Variants in PTK2B observed in about 807,000 individuals in gnomAD.
PTK2B encodes the protein protein tyrosine kinase 2 beta, also known as protein-tyrosine kinase 2-beta.
A neutral mutation model predicts 142.9 loss-of-function variants in PTK2B; 71 were observed. That is an observed-to-expected ratio of 0.50 (90% CI 0.41 to 0.61). The LOEUF is 0.61. Ranked by LOEUF, PTK2B falls within the 20% of genes least tolerant of loss-of-function variation. PTK2B has a pLI of 0.00. For synonymous variants in PTK2B, 519 were observed against 503.4 expected (o/e 1.03, Z -0.42); for missense variants, 1,105 against 1,320.4 (o/e 0.84, Z 2.53).
At chr8:27,342,115 A>G (rs1804438318) in intron 1 of PTK2B, among the ~76,000 whole-genome samples, 2 of 152,086 alleles carry the variant, frequency 1.3e-5, no homozygotes, top group African/African-American at 2.4e-5. Flanking sequence ...GAACCACTGC[A>G]GTGGAGGTCC....
chr8:27,429,670 C>T (rs562518762), intron 5 of PTK2B, among the ~76,000 whole-genome samples: 64 of 152,158 alleles, frequency 4.2e-4, no homozygotes, highest in Non-Finnish European at 5.7e-4. Flanking sequence ...AACACACAAA[C>T]ATACACACAT....
chr8:27,312,575 T>C (rs1803001424), intron 2 of PTK2B, among the ~76,000 whole-genome samples: 1 of 152,172 alleles, frequency 6.6e-6, no homozygotes, highest in Non-Finnish European at 1.5e-5. Flanking sequence ...TCATGAAATT[T>C]TGGCATGCAA....
chr8:27,420,533 G>A (rs1055922978), intron 3 of PTK2B, 124 bp from the exon 4 acceptor site: 15 of 897,218 alleles, frequency 1.7e-5, no homozygotes, highest in Middle Eastern at 3.1e-4. Context: ...GAGTGGCCAC[G>A]AGACTCATGG....
chr8:27,311,463 C>T (rs940670087), upstream of PTK2B: 22 of 593,916 alleles, frequency 3.7e-5, no homozygotes, highest in Middle Eastern at 1.4e-3. Context: ...CTTGGGAGAG[C>T]GGGGTGGGCC....
At chr8:27,430,280 C>T in intron 6 of PTK2B, 84 bp from the exon 7 acceptor site, 1 of 1,596,652 alleles carries the variant, frequency 6.3e-7, no homozygotes, top group Non-Finnish European at 8.6e-7. Flanking sequence ...GTCCCAAAGC[C>T]CTCTCACCTC....
intron 3 of PTK2B, among the ~76,000 whole-genome samples, chr8:27,317,396 C>G (rs1281776193): frequency 2.0e-5 from 3 of 152,176 alleles, no homozygotes; most frequent in Non-Finnish European, 4.4e-5. Context: ...TAGGCAGTGA[C>G]CTAGGCAATA....
chr8:27,344,277 A>G (rs1804585705), intron 1 of PTK2B, among the ~76,000 whole-genome samples: 1 of 152,166 alleles, frequency 6.6e-6, no homozygotes, highest in Admixed American at 6.5e-5. Flanking sequence ...AGAAGGACGA[A>G]TATCTGGTTT....
intron 30 of PTK2B, among the ~76,000 whole-genome samples, chr8:27,457,975 CAAAAAAAAA>C (rs11317355): frequency 9.6e-5 from 9 of 94,036 alleles, no homozygotes; most frequent in Admixed American, 1.1e-4. Flanking sequence ...AACTCAGTCT[CAAAAAAAAA>C]AAAAAAAAAA....
chr8:27,434,494 G>A lies in PTK2B; in HGVS notation c.1146-19G>A. 1 of 1,606,980 alleles carries A rather than the reference G, an allele frequency of 6.2e-7. No homozygotes were observed. Among genetic ancestry groups the A allele is most frequent in the Non-Finnish European group, 8.5e-7 (1 of 1,176,696 alleles). On this transcript the variant is annotated intron_variant, in intron 12 of 30. Transcript: ENST00000346049. ...CGGCCTCTGAGCTCACCTGGCTTCTGCTCTCTCACCTCCTACAGAAACCTG... is the reference window on the plus strand; with the variant it reads ...CGGCCTCTGAGCTCACCTGGCTTCTACTCTCTCACCTCCTACAGAAACCTG...
intron 1 of PTK2B, among the ~76,000 whole-genome samples, chr8:27,350,990 A>AATATATATAT (rs1161548916): frequency 6.6e-4 from 8 of 12,056 alleles, no homozygotes; most frequent in Non-Finnish European, 9.5e-4. Context: ...AAAAAAAAAA[A>AATATATATAT]ATATATATAT....
chr8:27,434,775 A>G lies in PTK2B; in HGVS notation c.1192+216A>G, dbSNP rs1896960. On this transcript the variant is annotated intron_variant, in intron 13 of 30. Coordinates refer to ENST00000346049, the MANE Select transcript of PTK2B (RefSeq NM_173176.3). ...CCAGCACTTTGGGAGGCCAAAGTGG[A>G]TGGATCATGAGGTCAAGAAATCAAG... Among the ~76,000 whole-genome samples, 69,663 of 151,920 alleles carry G rather than the reference A, an allele frequency of 0.46. 16,248 individuals are homozygous for G. Among genetic ancestry groups the G allele is most frequent in the South Asian group, 0.54 (2,583 of 4,806 alleles).
At position 27,437,804 on chromosome 8, in the gene PTK2B, G is replaced by A. The variant is rs1810883835; in HGVS notation, c.1567G>A (p.Val523Met). The A allele has an allele frequency of 6.2e-7, 1 of 1,613,478 alleles. No homozygotes were observed. Among genetic ancestry groups the A allele is most frequent in the Non-Finnish European group, 8.5e-7 (1 of 1,179,822 alleles). ...GGAGCGGAACAAGAACTCCCTGAAGGTGCTCACCCTCGTGCTGTACTCACT... is the reference window on the plus strand; with the variant it reads ...GGAGCGGAACAAGAACTCCCTGAAGATGCTCACCCTCGTGCTGTACTCACT... ...YLERNKNSLK[V>M]LTLVLYSLQI... The change falls in exon 18 of 31, where the codon GTG (valine) becomes ATG (methionine). Residue 523 changes from valine to methionine, a missense_variant. Val to Met is a conservative substitution (Grantham distance 21, BLOSUM62 1). Coordinates refer to ENST00000346049, the MANE Select transcript of PTK2B (RefSeq NM_173176.3).
chr8:27,441,801 G>C (rs1811172791), intron 21 of PTK2B, among the ~76,000 whole-genome samples: 1 of 152,216 alleles, frequency 6.6e-6, no homozygotes, highest in Admixed American at 6.5e-5. Flanking sequence ...TAAAAGCCCT[G>C]GGGGGATGGA....
chr8:27,442,440 G>T (rs1448321573), intron 21 of PTK2B, among the ~76,000 whole-genome samples: 1 of 152,148 alleles, frequency 6.6e-6, no homozygotes, highest in Admixed American at 6.5e-5. Flanking sequence ...CACATACCGG[G>T]GATGCGTTGG....
At chr8:27,340,399 G>C (rs937807461) in intron 1 of PTK2B, among the ~76,000 whole-genome samples, 2 of 152,230 alleles carry the variant, frequency 1.3e-5, no homozygotes, top group African/African-American at 4.8e-5. Flanking sequence ...CATATGCAAA[G>C]ATAAGAAGGC....
intron 30 of PTK2B, among the ~76,000 whole-genome samples, chr8:27,456,554 A>G (rs1011024518): frequency 3.9e-5 from 6 of 152,144 alleles, no homozygotes; most frequent in African/African-American, 1.4e-4. Context: ...GGACACAACA[A>G]TATTGAAATT....
chr8:27,316,649 C>T (rs1184814742), intron 3 of PTK2B, among the ~76,000 whole-genome samples: 1 of 152,190 alleles, frequency 6.6e-6, no homozygotes, highest in Non-Finnish European at 1.5e-5. Flanking sequence ...ATCAGAGTTA[C>T]CAAGTAAATC....
chr8:27,411,327 G>A (rs975446403), intron 2 of PTK2B, among the ~76,000 whole-genome samples: 1 of 152,154 alleles, frequency 6.6e-6, no homozygotes, highest in African/African-American at 2.4e-5. Flanking sequence ...CAATGCAGGT[G>A]AGAGCATGTC....
At position 27,368,548 on chromosome 8, in the gene PTK2B, T is replaced by C. The variant is rs181207371; in HGVS notation, c.-37-29000T>C. On this transcript the variant is annotated intron_variant, in intron 1 of 30. Coordinates refer to ENST00000346049, the MANE Select transcript of PTK2B (RefSeq NM_173176.3). ...TAGTCTTGGCCCTATTGCAATAAAC[T>C]GGAAACAAGGCTTCCTGCCTGATTA... Among the ~76,000 whole-genome samples the C allele has an allele frequency of 3.0e-4, 45 of 152,362 alleles. 1 individual carries two copies. Among genetic ancestry groups the C allele is most frequent in the East Asian group, 2.7e-3 (14 of 5,182 alleles).
Sources: gnomAD v4.1 joint callset for allele counts (sites outside exome capture counted in the v4.1 genomes callset) on GRCh38, gnomAD v4.1.1 for gene constraint, MANE v1.5 for transcripts, NCBI Gene and HGNC (gene_info 2026-07-23, HGNC 2026-07-21) for gene names.